Variants in NHS observed in about 807,000 individuals in gnomAD.
NHS encodes the protein NHS actin remodeling regulator, also known as actin remodeling regulator NHS.
Under a neutral mutation model 72.5 loss-of-function variants are expected in NHS, and 5 were observed. The ratio of observed to expected loss-of-function variants is 0.07; its 90% CI spans 0.04 to 0.14. The LOEUF (loss-of-function observed/expected upper bound fraction) is 0.14. NHS is among the 10% of genes least tolerant of loss of function. The pLI is 1.00. For missense variants in NHS, 1,072 were observed against 1,355.7 expected, an observed-to-expected ratio of 0.79 and a Z score of 3.29; for synonymous variants, 464 against 547.7, an observed-to-expected ratio of 0.85 and a Z score of 2.13.
At chrX:17,556,257 T>A (rs774936172) in intron 1 of NHS, among the ~76,000 whole-genome samples, 1 of 112,920 alleles carries the variant, frequency 8.9e-6, no homozygotes, top group African/African-American at 3.2e-5. Flanking sequence ...CAGGCTGATT[T>A]AGAAGTCTTA....
chrX:17,595,325 C>G (rs750211234), intron 1 of NHS, among the ~76,000 whole-genome samples: 32 of 111,812 alleles, frequency 2.9e-4, no homozygotes, highest in Non-Finnish European at 3.2e-4. Context: ...CTGCTGAAGT[C>G]CTCCTCTGTC....
intron 1 of NHS, among the ~76,000 whole-genome samples, chrX:17,673,406 A>G (rs774512783): frequency 1.3e-4 from 14 of 110,908 alleles, no homozygotes; most frequent in Non-Finnish European, 1.9e-4. Context: ...TGGGGAAGTG[A>G]TGTGGGGCAG....
At chrX:17,483,824 A>G (rs776813428) in intron 1 of NHS, among the ~76,000 whole-genome samples, 1 of 110,288 alleles carries the variant, frequency 9.1e-6, no homozygotes, top group Non-Finnish European at 1.9e-5. Context: ...AGAGATGCCC[A>G]GGGACTTTTA....
chrX:17,406,825 C>T (rs899382885), intron 1 of NHS, among the ~76,000 whole-genome samples: 1 of 111,915 alleles, frequency 8.9e-6, no homozygotes, highest in Non-Finnish European at 1.9e-5. Context: ...CTATTATAGT[C>T]TAGTTTCTGT....
rs148360898 is a variant in NHS, at chrX:17,459,368, G to A, written c.565+83046G>A. 3.8e-3 allele frequency among the ~76,000 whole-genome samples: 425 copies of A among 111,822 alleles called. 3 individuals are homozygous for A. Among genetic ancestry groups the A allele is most frequent in the African/African-American group, 0.013 (410 of 30,790 alleles). On this transcript the variant is annotated intron_variant, in intron 1 of 8. Transcript: ENST00000676302. ...AAACCTGATGGGAACCAAGTGAATGGGCCAGTTCGTAATGAAGGCCAGAAG... is the reference window on the plus strand; with the variant it reads ...AAACCTGATGGGAACCAAGTGAATGAGCCAGTTCGTAATGAAGGCCAGAAG...
chrX:17,477,990 A>G (rs1183749530), intron 1 of NHS, among the ~76,000 whole-genome samples: 1 of 111,831 alleles, frequency 8.9e-6, no homozygotes, highest in Non-Finnish European at 1.9e-5. Flanking sequence ...GTTATGGAGT[A>G]AAATGGAAGG....
At chrX:17,503,029 A>C (rs377653806) in intron 1 of NHS, among the ~76,000 whole-genome samples, 10 of 112,050 alleles carry the variant, frequency 8.9e-5, no homozygotes, top group African/African-American at 1.9e-4. Context: ...CCCAATGCAC[A>C]CAGTGAACAT....
intron 1 of NHS, among the ~76,000 whole-genome samples, chrX:17,538,223 G>C (rs746155916): frequency 4.5e-5 from 5 of 112,156 alleles, no homozygotes; most frequent in Admixed American, 2.8e-4. Flanking sequence ...TCATTTTCAG[G>C]TGCGGGAGCT....
chrX:17,584,749 A>G (rs1419988885), intron 1 of NHS, among the ~76,000 whole-genome samples: 1 of 111,553 alleles, frequency 9.0e-6, no homozygotes, highest in East Asian at 2.8e-4. Context: ...ACCTTTTCAC[A>G]AACAAATAGT....
intron 1 of NHS, among the ~76,000 whole-genome samples, chrX:17,605,391 C>T (rs1569292073): frequency 9.0e-6 from 1 of 111,677 alleles, no homozygotes; most frequent in Non-Finnish European, 1.9e-5. Context: ...ATCTTCCACA[C>T]AGATGCTAAG....
At chrX:17,529,043 T>C (rs776746327) in intron 1 of NHS, among the ~76,000 whole-genome samples, 1 of 110,978 alleles carries the variant, frequency 9.0e-6, no homozygotes, top group South Asian at 3.9e-4. Context: ...TCCTTCTTTC[T>C]TTTTTCTTCC....
chrX:17,601,305 C>T (rs1412958982), intron 1 of NHS, among the ~76,000 whole-genome samples: 2 of 111,594 alleles, frequency 1.8e-5, no homozygotes, highest in African/African-American at 6.5e-5. Context: ...TTGTGTTTTG[C>T]GAAATCATGG....
Position 17,376,284 on chromosome X carries a change from G to T in NHS, c.527G>T (p.Arg176Leu), listed in dbSNP as rs766791656. Residue 176 changes from arginine (R) to leucine (L), a missense_variant, in exon 1 of 9, where the codon CGC becomes CTC. Physicochemically the swap from Arg to Leu is moderately radical, Grantham distance 102. Coordinates refer to ENST00000676302, the MANE Select transcript of NHS (RefSeq NM_001291867.2). ...ALQGKLGGVQ[R>L]VLSTLDPKQE... ...CAGGGCAAGCTCGGCGGCGTGCAGC[G>T]CGTCCTCAGCACGCTTGACCCTAAG... The T allele has an allele frequency of 1.7e-6, 2 of 1,159,289 alleles. No homozygotes were observed. The highest frequency in any genetic ancestry group is 2.3e-6 in the Non-Finnish European group (2 of 874,434).
At chrX:17,562,861 G>A (rs1230514232) in intron 1 of NHS, among the ~76,000 whole-genome samples, 2 of 65,035 alleles carry the variant, frequency 3.1e-5, no homozygotes, top group African/African-American at 7.9e-5. Flanking sequence ...TCTTTCAATA[G>A]AATCCTAAGC....
At chrX:17,492,822 C>A (rs940288546) in intron 1 of NHS, among the ~76,000 whole-genome samples, 1 of 111,594 alleles carries the variant, frequency 9.0e-6, no homozygotes, top group Non-Finnish European at 1.9e-5. Context: ...TCTGCTCATA[C>A]CATTGTGGTT....
Position 17,726,505 on chromosome X carries a change from A to G in NHS, c.2399A>G (p.Tyr800Cys), listed in dbSNP as rs769568213. ...FDCGLKGNKS[Y>C]VCHYAALGPE... The stretch of plus-strand genomic sequence containing the variant: ...TGTGGTCTCAAAGGTAATAAGAGCT[A>G]TGTCTGTCACTATGCAGCCCTGGGC... Residue 800 changes from tyrosine (Y) to cysteine (C), a missense_variant, in exon 7 of 9, where the codon TAT becomes TGT. Tyr to Cys is a radical substitution (Grantham distance 194). Coordinates refer to ENST00000676302, the MANE Select transcript of NHS (RefSeq NM_001291867.2). 1.7e-6 allele frequency: 2 copies of G among 1,210,504 alleles called. No homozygotes were observed. Among genetic ancestry groups the G allele is most frequent in the African/African-American group, 3.5e-5 (2 of 57,275 alleles).
At chrX:17,391,061 A>AACAG (rs994868855) in intron 1 of NHS, among the ~76,000 whole-genome samples, 1 of 111,596 alleles carries the variant, frequency 9.0e-6, no homozygotes, top group African/African-American at 3.3e-5. Context: ...CAAACAAACA[A>AACAG]ACAGACAGAC....
At chrX:17,454,274 T>C (rs1041621562) in intron 1 of NHS, among the ~76,000 whole-genome samples, 1 of 111,477 alleles carries the variant, frequency 9.0e-6, no homozygotes, top group African/African-American at 3.3e-5. Flanking sequence ...GCTGGGTAGA[T>C]GGGATGAAGG....
At chrX:17,514,309 T>C (rs2065107485) in intron 1 of NHS, among the ~76,000 whole-genome samples, 1 of 112,539 alleles carries the variant, frequency 8.9e-6, no homozygotes, top group Non-Finnish European at 1.9e-5. Flanking sequence ...TCTAATCAGC[T>C]GCCAGCGTGG....
Sources: allele counts gnomAD v4.1 joint callset (sites outside exome capture counted in the v4.1 genomes callset), GRCh38; gene constraint gnomAD v4.1.1; transcripts MANE v1.5; gene names NCBI Gene and HGNC (gene_info 2026-07-23, HGNC 2026-07-21).